IGSF10: variants seen among roughly 807,000 people sequenced by gnomAD.
The protein encoded by IGSF10 is immunoglobulin superfamily member 10, also known as calvaria mechanical force protein 608.
In IGSF10, 126 loss-of-function variants were observed where a neutral mutation model predicts 128.2. The observed-to-expected ratio is 0.98, with a 90% CI of 0.85 to 1.14. The LOEUF (loss-of-function observed/expected upper bound fraction) is 1.14. IGSF10 is among the 50% of genes most tolerant of loss of function. The probability of loss-of-function intolerance (pLI) is 0.00; values close to 1 mark genes in which losing one functional copy is unlikely to be tolerated. For synonymous variants in IGSF10, 1,185 were observed against 1,146.2 expected (o/e 1.03, Z -0.68); for missense variants, 3,295 against 3,149.8 (o/e 1.05, Z -1.10).
At chr3:151,513,998 C>A in the IGSF10 span, among the ~76,000 whole-genome samples, 1 of 152,170 alleles carries the variant, frequency 6.6e-6, no homozygotes, top group Non-Finnish European at 1.5e-5. Flanking sequence ...AAGAACATTC[C>A]ATGCTCATGG....
the IGSF10 span, among the ~76,000 whole-genome samples, chr3:151,550,813 C>T: frequency 6.6e-6 from 1 of 152,110 alleles, no homozygotes; most frequent in East Asian, 1.9e-4. Flanking sequence ...TCATTTCTTG[C>T]TGTCTGTTGG....
downstream of IGSF10, chr3:151,435,388 G>T (rs1260563965): frequency 7.2e-6 from 1 of 139,540 alleles, no homozygotes; most frequent in Admixed American, 7.5e-5. Flanking sequence ...AGATCAATGC[G>T]TAGCTTTGAC....
At chr3:151,449,341 T>G (rs945434372) in intron 5 of IGSF10, 76 bp from the exon 6 acceptor site, 1 of 1,371,694 alleles carries the variant, frequency 7.3e-7, no homozygotes, top group Non-Finnish European at 9.8e-7. Context: ...AGAAATAGCT[T>G]TTGCTAGAAG....
At chr3:151,466,641 C>A in the IGSF10 span, among the ~76,000 whole-genome samples, 1 of 152,116 alleles carries the variant, frequency 6.6e-6, no homozygotes, top group Non-Finnish European at 1.5e-5. Context: ...TGCAATGGCA[C>A]AATCTCAGCT....
upstream of IGSF10, chr3:151,461,565 ATC>A: frequency 2.7e-6 from 1 of 369,580 alleles, no homozygotes. Context: ...CATATCCATC[ATC>A]TCACATAGTT....
the IGSF10 span, among the ~76,000 whole-genome samples, chr3:151,594,699 G>C: frequency 1.3e-5 from 2 of 149,738 alleles, no homozygotes; most frequent in Non-Finnish European, 3.0e-5. Context: ...CCAAATTTGA[G>C]TTTTAGTAGC....
chr3:151,477,974 T>G, the IGSF10 span, among the ~76,000 whole-genome samples: 1 of 152,274 alleles, frequency 6.6e-6, no homozygotes, highest in Non-Finnish European at 1.5e-5. Context: ...CAAAATATTA[T>G]TCTTTTGATT....
the IGSF10 span, among the ~76,000 whole-genome samples, chr3:151,558,018 A>ATATATATTATATATATATTATATATATT: frequency 1.3e-4 from 2 of 15,220 alleles, no homozygotes; most frequent in African/African-American, 7.5e-4. Context: ...ATATATATAT[A>ATATATATTATATATATATTATATATATT]ATATATATAT....
chr3:151,442,860 T>C lies in IGSF10; in HGVS notation c.5963+124A>G, dbSNP rs16863400. On this transcript the variant is annotated intron_variant, in intron 7 of 7. Transcript: ENST00000282466. ...TAGTTTTTTTTGAGAGAGTTTCCTT[T>C]ATGTCCAAAGTCTATGTGTACTCTA... 6.1e-3 allele frequency: 4,212 copies of C among 688,842 alleles called. 135 individuals carry two copies. In the African/African-American group the frequency reaches 0.067, roughly 11 times the overall value. The allele number at this position is 688,842 out of a possible 1,614,324, so 42.7% of individuals were successfully genotyped here. A position where few individuals can be genotyped will look rare whatever the true frequency, so the allele number is the denominator to read the frequency against.
At chr3:151,524,945 T>C in the IGSF10 span, among the ~76,000 whole-genome samples, 1 of 150,854 alleles carries the variant, frequency 6.6e-6, no homozygotes, top group East Asian at 2.0e-4. Context: ...TTTCCAGCTA[T>C]AATATTGTCA....
rs1240432882 is a variant in IGSF10, at chr3:151,447,348, A to T, written c.2633T>A (p.Met878Lys). The T allele has an allele frequency of 1.2e-6, 2 of 1,614,090 alleles. No individual in the cohort carries two copies. Among genetic ancestry groups the T allele is most frequent in the Admixed American group, 1.7e-5 (1 of 60,000 alleles). ...GGTTGTGCCTTGTATTTGGCTTGAC[A>T]TGGTTGGGTTTATATTCTTTGACAT... ...TAMSKNINPT[M>K]SSQIQGTTNQ... Residue 878 changes from methionine (M) to lysine (K), a missense_variant, in exon 6 of 8, where the codon ATG (methionine) becomes AAG (lysine). By Grantham distance (95) the Met-to-Lys change is moderately conservative. Coordinates refer to ENST00000282466, the MANE Select transcript of IGSF10 (RefSeq NM_178822.5).
At chr3:151,472,937 G>T in the IGSF10 span, among the ~76,000 whole-genome samples, 3 of 152,160 alleles carry the variant, frequency 2.0e-5, no homozygotes, top group South Asian at 6.2e-4. Context: ...CTTGAACCTT[G>T]GGTCCACGTC....
chr3:151,493,645 G>A, the IGSF10 span, among the ~76,000 whole-genome samples: 2 of 151,962 alleles, frequency 1.3e-5, no homozygotes, highest in Non-Finnish European at 2.9e-5. Flanking sequence ...ATTCCACATA[G>A]CCTAGGTGTA....
Position 151,448,113 on chromosome 3 carries a change from T to C in IGSF10, c.1868A>G (p.Lys623Arg). 2 of 1,614,178 alleles carry C rather than the reference T, an allele frequency of 1.2e-6. No homozygotes were observed. Among genetic ancestry groups the C allele is most frequent in the Non-Finnish European group, 1.7e-6 (2 of 1,180,006 alleles). ...NVLYQSSRDK[K>R]VLNNGTLRIL... ...TCTTAATGTGCCATTGTTTAGAACT[T>C]TCTTGTCTCTTGATGACTGATAGAG... The change falls in exon 6 of 8, where the codon AAA (lysine) becomes AGA (arginine). Residue 623 changes from lysine (K) to arginine (R), a missense_variant. Lys to Arg is a conservative substitution (Grantham distance 26). Coordinates refer to ENST00000282466, the MANE Select transcript of IGSF10 (RefSeq NM_178822.5).
chr3:151,612,700 T>A, the IGSF10 span, among the ~76,000 whole-genome samples: 1 of 152,176 alleles, frequency 6.6e-6, no homozygotes, highest in Non-Finnish European at 1.5e-5. Flanking sequence ...GTAATAAGTT[T>A]ATATTTAAAT....
At position 151,444,997 on chromosome 3, in the gene IGSF10, C is replaced by T. The variant is rs1314896286; in HGVS notation, c.4984G>A (p.Ala1662Thr). 6.2e-7 allele frequency: 1 copy of T among 1,614,158 alleles called. No individual in the cohort carries two copies. The highest frequency in any genetic ancestry group is 8.5e-7 in the Non-Finnish European group (1 of 1,179,974). The change falls in exon 6 of 8, where the codon GCT (alanine) becomes ACT (threonine). Residue 1662 changes from alanine to threonine, a missense_variant. Transcript: ENST00000282466. ...CAGGGAAGAAAGGCATCTGAGTTAG[C>T]TGGAATAGTAAAACTTGCAGCTTTT... ...GGKAASFTIP[A>T]NSDAFLPCEA...
chr3:151,586,160 A>C, the IGSF10 span, among the ~76,000 whole-genome samples: 1 of 152,000 alleles, frequency 6.6e-6, no homozygotes, highest in Non-Finnish European at 1.5e-5. Context: ...AGGTATCACC[A>C]CATTGCCCAG....
chr3:151,611,222 A>G, the IGSF10 span, among the ~76,000 whole-genome samples: 1 of 152,222 alleles, frequency 6.6e-6, no homozygotes, highest in Non-Finnish European at 1.5e-5. Context: ...AAATGATAAT[A>G]TCCCACCTTA....
chr3:151,517,196 A>G, the IGSF10 span, among the ~76,000 whole-genome samples: 1 of 152,066 alleles, frequency 6.6e-6, no homozygotes, highest in Admixed American at 6.6e-5. Context: ...ATCACTCTAG[A>G]TTACTTACTG....
Sources: gnomAD v4.1 joint callset for allele counts (sites outside exome capture counted in the v4.1 genomes callset) on GRCh38, gnomAD v4.1.1 for gene constraint, MANE v1.5 for transcripts, NCBI Gene and HGNC (gene_info 2026-07-23, HGNC 2026-07-21) for gene names.